Variants in SLC9A9 observed in about 807,000 individuals in gnomAD.
The protein encoded by SLC9A9 is sodium/hydrogen exchanger 9.
SLC9A9 carries 62 observed loss-of-function variants against 77.8 expected under a neutral mutation model. The ratio of observed to expected loss-of-function variants is 0.80; its 90% CI spans 0.65 to 0.98. The LOEUF (loss-of-function observed/expected upper bound fraction) is 0.98, where lower values mean the gene tolerates loss of function less well. Ranked by LOEUF, SLC9A9 falls within the 50% of genes least tolerant of loss-of-function variation. SLC9A9 has a pLI of 0.00. For synonymous variants in SLC9A9, 320 were observed against 283.5 expected (o/e 1.13, Z -1.29); for missense variants, 775 against 774.9 (o/e 1.00, Z 0.00).
At position 143,483,097 on chromosome 3, in the gene SLC9A9, T is replaced by C. The variant is rs962501811; in HGVS notation, c.1315+10556A>G. 6.6e-5 allele frequency among the ~76,000 whole-genome samples: 10 copies of C among 152,300 alleles called. 1 individual carries two copies. Among genetic ancestry groups the C allele is most frequent in the Admixed American group, 1.3e-4 (2 of 15,306 alleles). On this transcript the variant is annotated intron_variant, in intron 11 of 15. Transcript: ENST00000316549. ...GCATTGGAGACACCCAGATCAGAAT[T>C]TGCATTATTAAAAACTTCTCAAGAC...
chr3:143,473,997 A>T (rs1576521394), intron 11 of SLC9A9, among the ~76,000 whole-genome samples: 1 of 152,176 alleles, frequency 6.6e-6, no homozygotes, highest in South Asian at 2.1e-4. Context: ...AAGGGGACAG[A>T]GAGTATTTAT....
At chr3:143,370,447 G>T (rs974208537) in intron 13 of SLC9A9, among the ~76,000 whole-genome samples, 2 of 152,040 alleles carry the variant, frequency 1.3e-5, no homozygotes, top group Non-Finnish European at 1.5e-5. Flanking sequence ...AGAGGAGGAA[G>T]TTCACAGCAT....
chr3:143,594,825 G>T (rs924205826), intron 6 of SLC9A9, among the ~76,000 whole-genome samples: 18 of 152,124 alleles, frequency 1.2e-4, no homozygotes, highest in Non-Finnish European at 1.3e-4. Context: ...AAATGGAAAA[G>T]GATTCGCTTC....
chr3:143,430,708 C>T (rs1203236504), intron 12 of SLC9A9, among the ~76,000 whole-genome samples: 1 of 152,182 alleles, frequency 6.6e-6, no homozygotes, highest in Non-Finnish European at 1.5e-5. Flanking sequence ...TTTGTGTTGG[C>T]ACTGTTGGTT....
At chr3:143,747,301 G>A (rs1173130427) in intron 4 of SLC9A9, among the ~76,000 whole-genome samples, 1 of 151,940 alleles carries the variant, frequency 6.6e-6, no homozygotes, top group East Asian at 1.9e-4. Flanking sequence ...CTACTTGGGA[G>A]GCTGAGGCAG....
chr3:143,640,880 A>G (rs979029250), intron 6 of SLC9A9, among the ~76,000 whole-genome samples: 4 of 152,126 alleles, frequency 2.6e-5, no homozygotes, highest in South Asian at 2.1e-4. Context: ...AATAAAACTG[A>G]TTTGTTGCCT....
intron 2 of SLC9A9, among the ~76,000 whole-genome samples, chr3:143,815,431 G>T (rs1284051879): frequency 6.6e-6 from 1 of 152,146 alleles, no homozygotes; most frequent in Non-Finnish European, 1.5e-5. Flanking sequence ...GTAATGGAAA[G>T]TGGGGACTAT....
chr3:143,267,010 TAAACAGAATGCA>T, intron 15 of SLC9A9, 81 bp from the exon 16 acceptor site: 15 of 1,220,710 alleles, frequency 1.2e-5, no homozygotes, highest in Non-Finnish European at 1.7e-5. Flanking sequence ...TTTTTTTTTT[TAAACAGAATGCA>T]TGTTTTCCTT....
intron 4 of SLC9A9, among the ~76,000 whole-genome samples, chr3:143,751,451 T>C (rs116481075): frequency 2.7e-3 from 412 of 152,272 alleles, no homozygotes; most frequent in African/African-American, 9.6e-3. Flanking sequence ...GGCATGCTGC[T>C]TTCCAGAGAC....
chr3:143,672,370 C>G (rs116453664), intron 5 of SLC9A9, among the ~76,000 whole-genome samples: 2,291 of 151,998 alleles, frequency 0.015, 24 homozygotes, highest in South Asian at 0.023. Context: ...GTGATCCAAA[C>G]AAAAGAAATC....
intron 2 of SLC9A9, among the ~76,000 whole-genome samples, chr3:143,798,100 C>G (rs559524016): frequency 6.6e-6 from 1 of 152,308 alleles, no homozygotes; most frequent in East Asian, 1.9e-4. Flanking sequence ...AGCGGACTCT[C>G]TTTACTCTCT....
chr3:143,661,086 C>T (rs775848947), intron 5 of SLC9A9, among the ~76,000 whole-genome samples: 19 of 152,126 alleles, frequency 1.2e-4, no homozygotes, highest in East Asian at 3.9e-4. Flanking sequence ...AGTGCAATCA[C>T]GGTGAAGAAT....
At chr3:143,586,122 C>A (rs2037537534) in intron 6 of SLC9A9, among the ~76,000 whole-genome samples, 1 of 152,252 alleles carries the variant, frequency 6.6e-6, no homozygotes, top group African/African-American at 2.4e-5. Flanking sequence ...CTTCCCCACC[C>A]CGTCATACAC....
chr3:143,444,866 T>C (rs2034813769), intron 12 of SLC9A9, among the ~76,000 whole-genome samples: 1 of 152,230 alleles, frequency 6.6e-6, no homozygotes, highest in African/African-American at 2.4e-5. Context: ...TTGGCTGTGG[T>C]GGATGTTGGA....
chr3:143,761,898 T>G (rs1281994451), intron 4 of SLC9A9, among the ~76,000 whole-genome samples: 2 of 152,208 alleles, frequency 1.3e-5, no homozygotes, highest in Admixed American at 6.5e-5. Context: ...ACACGTATGT[T>G]TATTGCAGCA....
chr3:143,379,944 T>C (rs2033266011), intron 13 of SLC9A9, among the ~76,000 whole-genome samples: 2 of 152,190 alleles, frequency 1.3e-5, no homozygotes, highest in Admixed American at 1.3e-4. Flanking sequence ...TGTGGTGGTT[T>C]AAGCTGCCTC....
At chr3:143,693,912 C>T (rs1933552748) in intron 4 of SLC9A9, among the ~76,000 whole-genome samples, 1 of 152,178 alleles carries the variant, frequency 6.6e-6, no homozygotes, top group Non-Finnish European at 1.5e-5. Flanking sequence ...GCATTGCGAT[C>T]TTTCAAGGAA....
At chr3:143,768,119 CCTCA>C (rs960797686) in intron 4 of SLC9A9, among the ~76,000 whole-genome samples, 1 of 152,148 alleles carries the variant, frequency 6.6e-6, no homozygotes, top group Non-Finnish European at 1.5e-5. Context: ...TACCTCCTCT[CCTCA>C]CTGTCACACA....
chr3:143,338,114 A>G (rs2031983090), intron 14 of SLC9A9, among the ~76,000 whole-genome samples: 1 of 152,204 alleles, frequency 6.6e-6, no homozygotes. Flanking sequence ...TTCTTGTACC[A>G]GGCTGAAAAA....
Sources: allele counts gnomAD v4.1 joint callset (sites outside exome capture counted in the v4.1 genomes callset), GRCh38; gene constraint gnomAD v4.1.1; transcripts MANE v1.5; gene names NCBI Gene and HGNC (gene_info 2026-07-23, HGNC 2026-07-21).